IPCEF1: variants seen among roughly 807,000 people sequenced by gnomAD.
IPCEF1 encodes the protein interactor protein for cytohesin exchange factors 1.
A neutral mutation model predicts 50.9 loss-of-function variants in IPCEF1; 31 were observed. The ratio of observed to expected loss-of-function variants is 0.61; its 90% confidence interval spans 0.46 to 0.82. The LOEUF (loss-of-function observed/expected upper bound fraction) is 0.82. Ranked by LOEUF, IPCEF1 falls within the 40% of genes least tolerant of loss-of-function variation. The probability of loss-of-function intolerance (pLI) is 0.00; values close to 1 mark genes in which losing one functional copy is unlikely to be tolerated. For missense variants in IPCEF1, 458 were observed against 514.0 expected (o/e 0.89, Z 1.05); for synonymous variants, 181 against 192.0 (o/e 0.94, Z 0.47).
At chr6:154,346,848 A>G (rs1487725903) in intron 1 of IPCEF1, among the ~76,000 whole-genome samples, 1 of 152,190 alleles carries the variant, frequency 6.6e-6, no homozygotes, top group Non-Finnish European at 1.5e-5. Context: ...GGGGATTACA[A>G]TTTGGATTAC....
chr6:154,203,401 T>C (rs746083743), intron 9 of IPCEF1, among the ~76,000 whole-genome samples: 1 of 152,208 alleles, frequency 6.6e-6, no homozygotes. Context: ...CAGTTGTCCC[T>C]TGAACAGTAG....
intron 5 of IPCEF1, among the ~76,000 whole-genome samples, chr6:154,234,132 C>G (rs1371691919): frequency 2.0e-5 from 3 of 152,112 alleles, no homozygotes; most frequent in Admixed American, 1.3e-4. Flanking sequence ...TGCTTGAGCC[C>G]AGGAGTTTGA....
chr6:154,179,275 C>A (rs946079130), intron 10 of IPCEF1, among the ~76,000 whole-genome samples: 7 of 152,200 alleles, frequency 4.6e-5, no homozygotes, highest in Non-Finnish European at 1.0e-4. Flanking sequence ...GCTTGTCAAA[C>A]CTTTCTGGCT....
chr6:154,246,897 T>G (rs1275596700), intron 4 of IPCEF1, 137 bp from the exon 5 acceptor site: 1 of 988,040 alleles, frequency 1.0e-6, no homozygotes, highest in African/African-American at 1.7e-5. Flanking sequence ...TCACCAAGAT[T>G]TATGCAAAGC....
intron 10 of IPCEF1, among the ~76,000 whole-genome samples, chr6:154,181,816 C>A (rs1001185785): frequency 3.3e-5 from 5 of 152,282 alleles, no homozygotes; most frequent in Admixed American, 6.5e-5. Flanking sequence ...TTCTTGGGGA[C>A]TTGAACTGGA....
chr6:154,203,789 G>A (rs1263857270), intron 9 of IPCEF1, among the ~76,000 whole-genome samples: 1 of 152,132 alleles, frequency 6.6e-6, no homozygotes, highest in Non-Finnish European at 1.5e-5. Context: ...CATAATTGGT[G>A]ACAAATTAAT....
rs1799568935 is a variant in IPCEF1 at position 154,167,942 on chromosome 6, C to T, written c.1082G>A (p.Arg361Gln). 1.3e-6 allele frequency: 2 copies of T among 1,597,174 alleles called. No individual in the cohort carries two copies. Among genetic ancestry groups the T allele is most frequent in the African/African-American group, 1.3e-5 (1 of 74,648 alleles). ...PSINEKLHKI[R>Q]TLNSTLKCKE... ...TACCTTTAATGTGCTATTCAATGTTCGGATTTTGTGGAGTTTCTCGTTTAT... is the reference window on the plus strand; with the variant it reads ...TACCTTTAATGTGCTATTCAATGTTTGGATTTTGTGGAGTTTCTCGTTTAT... The change falls in exon 11 of 12, where the codon CGA (arginine) becomes CAA (glutamine). Residue 361 changes from arginine (R) to glutamine (Q), a missense_variant. Coordinates refer to ENST00000367220, the MANE Select transcript of IPCEF1 (RefSeq NM_001130700.2).
At chr6:154,355,738 C>T (rs1784206175) in intron 1 of IPCEF1, among the ~76,000 whole-genome samples, 1 of 152,074 alleles carries the variant, frequency 6.6e-6, no homozygotes, top group South Asian at 2.1e-4. Flanking sequence ...ATCCACCCGC[C>T]TTGGGCTCCC....
At chr6:154,194,259 C>T (rs530728917) in intron 10 of IPCEF1, among the ~76,000 whole-genome samples, 73 of 152,218 alleles carry the variant, frequency 4.8e-4, no homozygotes, top group African/African-American at 1.6e-3. Flanking sequence ...ATTAGCCAGG[C>T]GTGGTGGCGC....
At chr6:154,248,460 G>T (rs1463512482) in intron 3 of IPCEF1, among the ~76,000 whole-genome samples, 1 of 151,914 alleles carries the variant, frequency 6.6e-6, no homozygotes, top group Admixed American at 6.6e-5. Flanking sequence ...GAGAACTCAG[G>T]GGAAAAAACG....
chr6:154,200,666 A>G (rs1180960133), intron 9 of IPCEF1, among the ~76,000 whole-genome samples: 2 of 152,150 alleles, frequency 1.3e-5, no homozygotes, highest in Admixed American at 1.3e-4. Context: ...GATTGCAGCG[A>G]GCTAAGATCA....
At chr6:154,329,058 A>C (rs1351455972) in intron 1 of IPCEF1, among the ~76,000 whole-genome samples, 2 of 152,204 alleles carry the variant, frequency 1.3e-5, no homozygotes, top group African/African-American at 4.8e-5. Flanking sequence ...TCGCAGTCAA[A>C]AAGGTGTTAG....
At chr6:154,197,004 G>T (rs1776673222) in intron 10 of IPCEF1, among the ~76,000 whole-genome samples, 1 of 152,122 alleles carries the variant, frequency 6.6e-6, no homozygotes, top group Non-Finnish European at 1.5e-5. Context: ...CTGTCTGCTT[G>T]TTTCAGGACT....
intron 9 of IPCEF1, among the ~76,000 whole-genome samples, chr6:154,211,831 A>G (rs1355935756): frequency 6.6e-6 from 1 of 152,240 alleles, no homozygotes; most frequent in African/African-American, 2.4e-5. Context: ...TAGAGCTGAC[A>G]AAGGACTAAC....
chr6:154,253,045 T>A (rs1305720312), intron 3 of IPCEF1, among the ~76,000 whole-genome samples: 2 of 152,238 alleles, frequency 1.3e-5, no homozygotes, highest in Non-Finnish European at 2.9e-5. Flanking sequence ...ATCATCCATT[T>A]CTTTCTGCCT....
At chr6:154,323,631 A>G (rs535975429) in intron 1 of IPCEF1, among the ~76,000 whole-genome samples, 1 of 152,296 alleles carries the variant, frequency 6.6e-6, no homozygotes, top group South Asian at 2.1e-4. Flanking sequence ...AAATATCTCA[A>G]AATGACATGA....
chr6:154,254,195 T>C (rs1407045545), intron 3 of IPCEF1, among the ~76,000 whole-genome samples: 1 of 152,192 alleles, frequency 6.6e-6, no homozygotes, highest in Non-Finnish European at 1.5e-5. Context: ...AGCATTTATT[T>C]GTGACATTAC....
intron 2 of IPCEF1, among the ~76,000 whole-genome samples, chr6:154,281,277 C>T (rs930213344): frequency 2.7e-5 from 4 of 150,786 alleles, no homozygotes; most frequent in East Asian, 2.0e-4. Flanking sequence ...TGCCTGAACC[C>T]GGGAGGTGGA....
chr6:154,176,947 GAC>G (rs2128562539), intron 10 of IPCEF1, among the ~76,000 whole-genome samples: 1 of 152,150 alleles, frequency 6.6e-6, no homozygotes, highest in East Asian at 1.9e-4. Flanking sequence ...CAGAGATATA[GAC>G]CAATGGAACA....
Sources: gnomAD v4.1 joint callset for allele counts (sites outside exome capture counted in the v4.1 genomes callset) on GRCh38, gnomAD v4.1.1 for gene constraint, MANE v1.5 for transcripts, NCBI Gene and HGNC (gene_info 2026-07-23, HGNC 2026-07-21) for gene names.